The following AIFM2 variants were observed in gnomAD, a reference collection of about 807,000 sequenced individuals.
AIFM2 encodes the protein AIF family member 2, ferroptosis suppressor.
In AIFM2, 38 loss-of-function variants were observed where a neutral mutation model predicts 35.7. The ratio of observed to expected loss-of-function variants is 1.06; its 90% CI spans 0.82 to 1.39. The LOEUF (loss-of-function observed/expected upper bound fraction) is 1.39, where lower values mean the gene tolerates loss of function less well. AIFM2 is among the 40% of genes most tolerant of loss of function. The pLI is 0.00. For missense variants in AIFM2, 476 were observed against 491.2 expected, an observed-to-expected ratio of 0.97 and a Z score of 0.29; for synonymous variants, 185 against 203.5, an observed-to-expected ratio of 0.91 and a Z score of 0.77.
In AIFM2 at chr10:70,114,265, A is replaced by G; in HGVS notation, c.1035T>C (p.Tyr345=). Residue 345 remains tyrosine (Y), a synonymous_variant, in exon 9 of 9, where the codon TAT becomes TAC. Coordinates refer to ENST00000307864, the MANE Select transcript of AIFM2 (RefSeq NM_032797.6). ...NDGVGQISGF[Y]VGRLMVRLTK... ...TCAGCCGAACCATGAGCCGGCCCAC[A>G]TAGAAGCCACTGATTTGGCCCACAC... 1 of 1,613,918 alleles carries G rather than the reference A, an allele frequency of 6.2e-7. No homozygotes were observed. Among genetic ancestry groups the G allele is most frequent in the Non-Finnish European group, 8.5e-7 (1 of 1,179,992 alleles).
At chr10:70,123,216 GC>G (rs1427607725) in intron 3 of AIFM2, among the ~76,000 whole-genome samples, 188 bp downstream of exon 3, 1 of 152,064 alleles carries the variant, frequency 6.6e-6, no homozygotes, top group African/African-American at 2.4e-5. Context: ...ACAGGGTTTT[GC>G]CATGTTGGGC....
Position 70,114,928 on chromosome 10 carries a change from T to C in AIFM2, c.962A>G (p.Tyr321Cys). Residue 321 changes from tyrosine (Y) to cysteine (C), a missense_variant, in exon 8 of 9, where the codon TAC becomes TGC. Tyr to Cys is a radical substitution (Grantham distance 194). Coordinates refer to ENST00000307864, the MANE Select transcript of AIFM2 (RefSeq NM_032797.6). ...CATGGGGCCTCTCTTACCCGGCTTG[T>C]AGGCCTGGAGAGGCCGCTGCTTCAC... ...NSVKQRPLQA[Y>C]KPGALTFLLS... 1.2e-6 allele frequency: 2 copies of C among 1,614,052 alleles called. No individual in the cohort carries two copies. Among genetic ancestry groups the C allele is most frequent in the Non-Finnish European group, 8.5e-7 (1 of 1,179,964 alleles).
At chr10:70,114,428 C>T (rs2072411047) in intron 8 of AIFM2, 99 bp from the exon 9 acceptor site, 1 of 1,468,774 alleles carries the variant, frequency 6.8e-7, no homozygotes. Flanking sequence ...AGACTCAGGG[C>T]CGGAAATGTG....
intron 6 of AIFM2, 73 bp from the exon 7 acceptor site, chr10:70,116,847 T>G: frequency 6.3e-7 from 1 of 1,584,624 alleles, no homozygotes; most frequent in Non-Finnish European, 8.6e-7. Context: ...AGGCCAAGGC[T>G]AACCCTGGGG....
At chr10:70,119,781 C>T (rs1212153766) in intron 5 of AIFM2, among the ~76,000 whole-genome samples, 1 of 152,236 alleles carries the variant, frequency 6.6e-6, no homozygotes, top group Non-Finnish European at 1.5e-5. Flanking sequence ...CTGGCTTCAA[C>T]CGCAAGCAAG....
intron 1 of AIFM2, among the ~76,000 whole-genome samples, chr10:70,129,704 A>C (rs1285576229): frequency 6.6e-6 from 1 of 152,058 alleles, no homozygotes; most frequent in African/African-American, 2.4e-5. Flanking sequence ...TATTGTTTGA[A>C]TTTTTTTCAA....
At position 70,123,983 on chromosome 10, in the gene AIFM2, G is replaced by A. The variant is rs148191913; in HGVS notation, c.102C>T (p.Asn34=). ...IAAASQLQAL[N]VPFMLVDMKD... ...TCATGTCCACCAGCATGAAGGGGAC[G>A]TTCAGGGCCTGCAGCTGGCTGGCTG... Residue 34 remains asparagine (N), a synonymous_variant, in exon 2 of 9, where the codon AAC becomes AAT. Transcript: ENST00000307864. 1.9e-5 allele frequency: 30 copies of A among 1,613,086 alleles called. No homozygotes were observed. Among genetic ancestry groups the A allele is most frequent in the Middle Eastern group, 1.7e-4 (1 of 6,048 alleles).
rs577282233 is a variant in AIFM2 at position 70,112,299 on chromosome 10, C to T, written c.*1879G>A. 1.9e-4 allele frequency: 29 copies of T among 152,184 alleles called. No homozygotes were observed. Among genetic ancestry groups the T allele is most frequent in the African/African-American group, 6.7e-4 (28 of 41,530 alleles). 9.4% of individuals were successfully genotyped at this position (152,184 alleles called of 1,614,324 possible). A position where few individuals can be genotyped will look rare whatever the true frequency, so the allele number is the denominator to read the frequency against. ...CTTACAACATATTCTTTTATTGCAA[C>T]ATTTTCCTCAGTTTGGAAAACTGTG... On this transcript the variant is annotated 3_prime_UTR_variant, in exon 9 of 9. Coordinates refer to ENST00000307864, the MANE Select transcript of AIFM2 (RefSeq NM_032797.6).
intron 1 of AIFM2, among the ~76,000 whole-genome samples, chr10:70,126,001 T>C (rs552163340): frequency 6.6e-6 from 1 of 152,378 alleles, no homozygotes; most frequent in Non-Finnish European, 1.5e-5. Context: ...TACCTGTGCA[T>C]CCCAGAGTCT....
At position 70,131,874 on chromosome 10, in the gene AIFM2, C is replaced by T. The variant is rs1039951167; in HGVS notation, c.-14+860G>A. ...CGGGGCTCTCTGGCAGGTGCATGCACGCACACTGGAACCTGATACAGGCTT... is the reference window on the plus strand; with the variant it reads ...CGGGGCTCTCTGGCAGGTGCATGCATGCACACTGGAACCTGATACAGGCTT... On this transcript the variant is annotated intron_variant, in intron 1 of 8. Transcript: ENST00000307864. The surrounding 1 kb of genome is among the most constrained non-coding windows in gnomAD (Gnocchi z 4.1). Among the ~76,000 whole-genome samples, 2 of 152,160 alleles carry T rather than the reference C, an allele frequency of 1.3e-5. No individual in the cohort carries two copies. Among genetic ancestry groups the T allele is most frequent in the Admixed American group, 6.6e-5 (1 of 15,264 alleles).
rs2072419995 is a variant in AIFM2 at position 70,115,023 on chromosome 10, C to CA, written c.866dup (p.Arg290GlufsTer47). The CA allele has an allele frequency of 1.2e-6, 2 of 1,614,194 alleles. No individual in the cohort carries two copies. Among genetic ancestry groups the CA allele is most frequent in the African/African-American group, 2.7e-5 (2 of 75,070 alleles). ...CAAGATAGGCCATCTTGGGCGTCCTCACGTCGGCACAGTCACCAATGGCGT... is the reference window on the plus strand; with the variant it reads ...CAAGATAGGCCATCTTGGGCGTCCTCAACGTCGGCACAGTCACCAATGGCGT... On this transcript the variant is annotated frameshift_variant, in exon 8 of 9. Coordinates refer to ENST00000307864, the MANE Select transcript of AIFM2 (RefSeq NM_032797.6). LOFTEE classifies it high-confidence loss of function.
At chr10:70,119,651 G>A (rs927275470) in intron 5 of AIFM2, among the ~76,000 whole-genome samples, 1 of 152,270 alleles carries the variant, frequency 6.6e-6, no homozygotes, top group Non-Finnish European at 1.5e-5. Context: ...CCAACAATTT[G>A]TCAGAGAACA....
chr10:70,118,062 C>T, intron 5 of AIFM2, 142 bp from the exon 6 acceptor site: 1 of 636,082 alleles, frequency 1.6e-6, no homozygotes, highest in Non-Finnish European at 2.7e-6. Context: ...TGTCCAATGC[C>T]AGGACCAATT....
At chr10:70,128,286 T>C (rs1263702354) in intron 1 of AIFM2, among the ~76,000 whole-genome samples, 10 of 152,240 alleles carry the variant, frequency 6.6e-5, no homozygotes, top group East Asian at 1.9e-4. Flanking sequence ...AATGAGAGGC[T>C]ACAGGATAAA....
At chr10:70,123,353 G>T in intron 3 of AIFM2, 52 bp downstream of exon 3, 3 of 1,505,554 alleles carry the variant, frequency 2.0e-6, no homozygotes, top group East Asian at 2.3e-5. Flanking sequence ...TCCCGCCCAG[G>T]CCCTGCAGAG....
intron 7 of AIFM2, among the ~76,000 whole-genome samples, chr10:70,115,400 T>A (rs1056206950): frequency 6.6e-6 from 1 of 151,600 alleles, no homozygotes; most frequent in Non-Finnish European, 1.5e-5. Context: ...CTTTTAGAAA[T>A]GTACATAACT....
chr10:70,129,359 A>T (rs1464934662), intron 1 of AIFM2, among the ~76,000 whole-genome samples: 4 of 150,828 alleles, frequency 2.7e-5, no homozygotes, highest in Non-Finnish European at 5.9e-5. Flanking sequence ...GCCACGTTTT[A>T]TATATATATA....
chr10:70,116,088 ACT>A (rs2072432456), intron 7 of AIFM2, among the ~76,000 whole-genome samples: 2 of 152,176 alleles, frequency 1.3e-5, no homozygotes, highest in Admixed American at 6.5e-5. Context: ...AGGCCTGGCC[ACT>A]GAGTCTCCTG....
In AIFM2 at chr10:70,113,236, G is replaced by A. The variant is rs1378570522; in HGVS notation, c.*942C>T. ...GTGGTATGGAGTAGGATCTAAAAGT[G>A]GAAATGTGCTGGCCGCAGTGGCTCA... On this transcript the variant is annotated 3_prime_UTR_variant, in exon 9 of 9. Transcript: ENST00000307864. 1 of 152,212 alleles carries A rather than the reference G, an allele frequency of 6.6e-6. No individual in the cohort carries two copies. The highest frequency in any genetic ancestry group is 2.4e-5 in the African/African-American group (1 of 41,444). The allele number at this position is 152,212 out of a possible 1,614,324, so 9.4% of individuals were successfully genotyped here. A position where few individuals can be genotyped will look rare whatever the true frequency, so the allele number is the denominator to read the frequency against.
Sources: gnomAD v4.1 joint callset for allele counts (sites outside exome capture counted in the v4.1 genomes callset) on GRCh38, gnomAD v4.1.1 for gene constraint, Gnocchi (gnomAD v3.1) non-coding constraint, MANE v1.5 for transcripts, NCBI Gene and HGNC (gene_info 2026-07-23, HGNC 2026-07-21) for gene names.